CFI: variants seen among roughly 807,000 people sequenced by gnomAD.
CFI encodes C3B/C4B inactivator.
CFI carries 66 observed loss-of-function variants against 78.8 expected under a neutral mutation model. The ratio of observed to expected loss-of-function variants is 0.84; its 90% confidence interval spans 0.69 to 1.03. The LOEUF (loss-of-function observed/expected upper bound fraction) is 1.03. Among genes scored for constraint, CFI ranks in the 50% least tolerant of loss-of-function variants. CFI has a pLI of 0.00. For missense variants in CFI, 706 were observed against 704.5 expected (o/e 1.00, Z -0.02); for synonymous variants, 250 against 232.6 (o/e 1.07, Z -0.68).
intron 1 of CFI, among the ~76,000 whole-genome samples, chr4:109,775,332 C>T (rs376446972): frequency 3.4e-4 from 52 of 152,282 alleles, no homozygotes; most frequent in African/African-American, 1.2e-3. Context: ...CCTAAGCAAA[C>T]GGCACACCAG....
intron 11 of CFI, among the ~76,000 whole-genome samples, chr4:109,743,187 C>T (rs564779738): frequency 1.4e-3 from 206 of 152,266 alleles, no homozygotes; most frequent in Admixed American, 2.6e-3. Context: ...CATGAGCCAT[C>T]GTGCCCAGCC....
rs77988038 is a variant in CFI, at chr4:109,792,119, C to A, written c.57+9796G>T. On this transcript the variant is annotated intron_variant, in intron 1 of 12. Transcript: ENST00000394634. Reference sequence around the variant, plus strand: ...TCTATCTTAGAAATTGTTCCATGTGCGCTTGAGAAAAATGTGTATTCTGCT... The same window carrying A: ...TCTATCTTAGAAATTGTTCCATGTGAGCTTGAGAAAAATGTGTATTCTGCT... Among the ~76,000 whole-genome samples the A allele has an allele frequency of 9.6e-3, 1,465 of 152,094 alleles. 19 individuals carry two copies. The highest frequency in any genetic ancestry group is 0.034 in the African/African-American group (1,409 of 41,470).
At chr4:109,733,474 A>T in the CFI span, among the ~76,000 whole-genome samples, 1 of 152,142 alleles carries the variant, frequency 6.6e-6, no homozygotes, top group East Asian at 1.9e-4. Flanking sequence ...GTCTATATAT[A>T]CTTTGTGGTG....
chr4:109,788,129 A>G (rs1191840006), intron 1 of CFI, among the ~76,000 whole-genome samples: 2 of 152,118 alleles, frequency 1.3e-5, no homozygotes, highest in Non-Finnish European at 2.9e-5. Context: ...CGCAAAGGGC[A>G]GTTAGATAGT....
chr4:109,757,769 T>C lies in CFI; in HGVS notation c.898A>G (p.Thr300Ala), dbSNP rs11098044. 1,448,946 of 1,457,806 alleles carry C rather than the reference T, an allele frequency of 0.99. 720,502 individuals carry two copies. The highest frequency in any genetic ancestry group is 1 in the East Asian group (43,443 of 43,444). The allele number at this position is 1,457,806 out of a possible 1,614,324, so 90.3% of individuals were successfully genotyped here. ...ATTTTAATAAAAATTTTACCTTGAG[T>C]CACAGATGCAAAGCCTGAAGAAAAC... ...EVGCAGFASV[T>A]QEETEILTAD... Residue 300 changes from threonine (T) to alanine (A), a missense_variant, in exon 7 of 13, where the codon ACT becomes GCT. Physicochemically the swap from Thr to Ala is moderately conservative, Grantham distance 58. Coordinates refer to ENST00000394634, the MANE Select transcript of CFI (RefSeq NM_000204.5).
At chr4:109,787,016 C>T (rs1355496803) in intron 1 of CFI, among the ~76,000 whole-genome samples, 1 of 152,056 alleles carries the variant, frequency 6.6e-6, no homozygotes, top group Non-Finnish European at 1.5e-5. Context: ...AGGAGAAGAG[C>T]ATGACCAGGC....
intron 1 of CFI, among the ~76,000 whole-genome samples, chr4:109,779,416 C>A (rs866788212): frequency 1.3e-5 from 2 of 152,008 alleles, no homozygotes; most frequent in Admixed American, 6.6e-5. Context: ...CCTAGGAATC[C>A]AACTTACAAG....
intron 6 of CFI, among the ~76,000 whole-genome samples, chr4:109,759,535 T>TTA (rs1030876800): frequency 2.2e-4 from 34 of 151,974 alleles, no homozygotes; most frequent in South Asian, 6.2e-4. Context: ...ATGAATGGTT[T>TTA]TATATATATA....
At chr4:109,767,519 A>G (rs1049687423) in intron 1 of CFI, among the ~76,000 whole-genome samples, 20 of 151,964 alleles carry the variant, frequency 1.3e-4, no homozygotes, top group African/African-American at 4.8e-4. Flanking sequence ...CAGCCAAAAG[A>G]CACATGAAAA....
chr4:109,736,120 A>G (rs774781500), downstream of CFI, among the ~76,000 whole-genome samples: 1 of 152,232 alleles, frequency 6.6e-6, no homozygotes, highest in Non-Finnish European at 1.5e-5. Context: ...TGAAGTTGCT[A>G]GTTACAGAGA....
intron 6 of CFI, chr4:109,760,045 G>T (rs534498204): frequency 3.0e-6 from 2 of 674,206 alleles, no homozygotes; most frequent in Non-Finnish European, 5.4e-6. Flanking sequence ...TTTTTTGTAT[G>T]TGCAGTGAGA....
At chr4:109,781,107 T>C (rs920461572) in intron 1 of CFI, among the ~76,000 whole-genome samples, 2 of 152,136 alleles carry the variant, frequency 1.3e-5, no homozygotes, top group African/African-American at 4.8e-5. Context: ...GTAACAAAAC[T>C]GCACGTTGTG....
downstream of CFI, chr4:109,740,600 G>T (rs1241903442): frequency 5.0e-6 from 2 of 399,844 alleles, no homozygotes; most frequent in Non-Finnish European, 9.4e-6. Flanking sequence ...CCAACCTTAT[G>T]TAAGTCCAAC....
chr4:109,742,899 A>C (rs1723982406), intron 11 of CFI, among the ~76,000 whole-genome samples: 1 of 152,224 alleles, frequency 6.6e-6, no homozygotes. Context: ...AGGCAATTGG[A>C]TAGGAATCAG....
chr4:109,738,811 C>T (rs1003469987), downstream of CFI, among the ~76,000 whole-genome samples: 1 of 152,214 alleles, frequency 6.6e-6, no homozygotes, highest in East Asian at 1.9e-4. Context: ...TTCGTGATAA[C>T]TCTGGTCCAA....
At chr4:109,766,972 T>C in intron 1 of CFI, 148 bp from the exon 2 acceptor site, 2 of 733,380 alleles carry the variant, frequency 2.7e-6, no homozygotes, top group South Asian at 1.7e-5. Flanking sequence ...TCAGAAATAA[T>C]GCCGCATATC....
chr4:109,769,825 T>C (rs139644336), intron 1 of CFI, among the ~76,000 whole-genome samples: 100 of 152,290 alleles, frequency 6.6e-4, no homozygotes, highest in African/African-American at 2.2e-3. Flanking sequence ...CTGCCTACCA[T>C]TGAAACAGGG....
chr4:109,740,424 G>A (rs1255896318), downstream of CFI, among the ~76,000 whole-genome samples: 1 of 152,194 alleles, frequency 6.6e-6, no homozygotes, highest in Non-Finnish European at 1.5e-5. Flanking sequence ...GACAAGAGCT[G>A]TGAAGTCAGT....
At chr4:109,741,451 T>C in intron 12 of CFI, 1 of 625,144 alleles carries the variant, frequency 1.6e-6, no homozygotes, top group Non-Finnish European at 2.0e-6. Flanking sequence ...GTGCTAAATA[T>C]TTATTAGTCA....
Sources: allele counts gnomAD v4.1 joint callset (sites outside exome capture counted in the v4.1 genomes callset), GRCh38; gene constraint gnomAD v4.1.1; transcripts MANE v1.5; gene names NCBI Gene and HGNC (gene_info 2026-07-23, HGNC 2026-07-21).